The following QKI variants were observed in gnomAD, a reference collection of about 807,000 sequenced individuals.
The protein encoded by QKI is QKI, KH domain containing RNA binding, also known as KH domain-containing RNA-binding protein QKI.
Under a neutral mutation model 39.0 loss-of-function variants are expected in QKI, and 10 were observed. That is an observed-to-expected ratio of 0.26 (90% CI 0.16 to 0.43). The LOEUF (loss-of-function observed/expected upper bound fraction) is 0.43, where lower values mean the gene tolerates loss of function less well. Among genes scored for constraint, QKI ranks in the 20% least tolerant of loss-of-function variants. The pLI, the probability that QKI is intolerant of heterozygous loss-of-function variation, is 1.00. For missense variants in QKI, 218 were observed against 428.0 expected (o/e 0.51, Z 4.33); for synonymous variants, 204 against 155.4 (o/e 1.31, Z -2.33).
At chr6:163,463,775 A>C (rs974001158) in intron 2 of QKI, among the ~76,000 whole-genome samples, 2 of 152,210 alleles carry the variant, frequency 1.3e-5, no homozygotes, top group African/African-American at 4.8e-5. Context: ...CAAGAGCAGA[A>C]GACAGTATTT....
chr6:163,552,928 C>A (rs1194254728), intron 4 of QKI, among the ~76,000 whole-genome samples: 1 of 151,606 alleles, frequency 6.6e-6, no homozygotes, highest in African/African-American at 2.4e-5. Context: ...AGGTTCTGCC[C>A]ACCTCTAAGC....
At chr6:163,570,146 C>A in intron 7 of QKI, 1 of 985,804 alleles carries the variant, frequency 1.0e-6, no homozygotes, top group African/African-American at 1.7e-5. Context: ...ACAAAAGAAA[C>A]CTTGTTTGGC....
At chr6:163,520,126 A>G (rs576024645) in intron 3 of QKI, among the ~76,000 whole-genome samples, 3 of 152,156 alleles carry the variant, frequency 2.0e-5, no homozygotes, top group African/African-American at 4.8e-5. Flanking sequence ...AAGAATTTCA[A>G]TTTAGCACCA....
At chr6:163,432,224 C>T (rs1217632665) in intron 1 of QKI, among the ~76,000 whole-genome samples, 1 of 152,130 alleles carries the variant, frequency 6.6e-6, no homozygotes, top group Admixed American at 6.5e-5. Context: ...ATCTAATGCA[C>T]AGTCATATTA....
At chr6:163,483,112 G>A (rs1033695452) in intron 3 of QKI, among the ~76,000 whole-genome samples, 5 of 152,254 alleles carry the variant, frequency 3.3e-5, no homozygotes, top group Admixed American at 1.3e-4. Context: ...GCATATAAAA[G>A]TTATGTTTAT....
At chr6:163,441,877 A>C (rs1789784646) in intron 1 of QKI, among the ~76,000 whole-genome samples, 1 of 152,188 alleles carries the variant, frequency 6.6e-6, no homozygotes, top group East Asian at 1.9e-4. Context: ...AGGGCAAAAA[A>C]GGTGAGGGCA....
At position 163,573,314 on chromosome 6, in the gene QKI, A is replaced by AT. The variant is rs1457601314; in HGVS notation, c.*2610dup. On this transcript the variant is annotated 3_prime_UTR_variant, in exon 8 of 8. Coordinates refer to ENST00000361752, the MANE Select transcript of QKI (RefSeq NM_006775.3). ...ACTTTTTTTCTGACAGTATTATGTA[A>AT]TTTTTTAGCGTGGGTAGATGGGAGT... 3.3e-5 allele frequency: 5 copies of AT among 152,080 alleles called. No homozygotes were observed. Among genetic ancestry groups the AT allele is most frequent in the African/African-American group, 9.7e-5 (4 of 41,412 alleles). The allele number at this position is 152,080 out of a possible 1,614,324, so 9.4% of individuals were successfully genotyped here.
chr6:163,444,237 CAA>C (rs1363200281), intron 1 of QKI, among the ~76,000 whole-genome samples: 2 of 152,068 alleles, frequency 1.3e-5, no homozygotes, highest in Admixed American at 6.6e-5. Context: ...TGTAAGAAGA[CAA>C]AGAGATGCAT....
At chr6:163,567,676 T>G in intron 7 of QKI, 3 of 985,224 alleles carry the variant, frequency 3.0e-6, no homozygotes, top group Non-Finnish European at 3.6e-6. Context: ...GACATTGAAT[T>G]GTTTTCTAAG....
At position 163,520,427 on chromosome 6, in the gene QKI, T is replaced by A. The variant is rs538904406; in HGVS notation, c.403-14555T>A. 7.2e-5 allele frequency among the ~76,000 whole-genome samples: 11 copies of A among 152,282 alleles called. No individual in the cohort carries two copies. In the East Asian group the frequency reaches 1.2e-3, roughly 16 times the overall value. ...CTAGCAAGAAGTTCAGGATTTTTTT[T>A]AAAATAGTGTTTGGGGAAATTATAA... On this transcript the variant is annotated intron_variant, in intron 3 of 7. Coordinates refer to ENST00000361752, the MANE Select transcript of QKI (RefSeq NM_006775.3).
At chr6:163,569,921 T>C in intron 7 of QKI, 1 of 987,070 alleles carries the variant, frequency 1.0e-6, no homozygotes, top group Middle Eastern at 5.2e-4. Context: ...TTACAGTGTT[T>C]ACATGCAAGT....
At chr6:163,422,866 A>G (rs1038647238) in intron 1 of QKI, among the ~76,000 whole-genome samples, 1 of 152,246 alleles carries the variant, frequency 6.6e-6, no homozygotes, top group African/African-American at 2.4e-5. Context: ...CCTGGTCAGT[A>G]GCAAATCATT....
intron 6 of QKI, chr6:163,565,537 T>A: frequency 1.0e-6 from 1 of 990,346 alleles, no homozygotes; most frequent in Non-Finnish European, 1.2e-6. Context: ...TTCATGTCTT[T>A]TGTTTGTTGG....
intron 4 of QKI, among the ~76,000 whole-genome samples, chr6:163,536,623 C>T (rs1463097338): frequency 1.3e-5 from 2 of 152,132 alleles, no homozygotes; most frequent in Non-Finnish European, 2.9e-5. Flanking sequence ...CCTGTAATCT[C>T]TTGTCTTGCT....
At chr6:163,495,466 A>G (rs766804949) in intron 3 of QKI, among the ~76,000 whole-genome samples, 5 of 152,160 alleles carry the variant, frequency 3.3e-5, no homozygotes, top group Non-Finnish European at 7.3e-5. Context: ...ATTTGAGAGC[A>G]ACTTGCAGAC....
At chr6:163,448,186 T>A (rs1396299952) in intron 1 of QKI, among the ~76,000 whole-genome samples, 1 of 152,178 alleles carries the variant, frequency 6.6e-6, no homozygotes, top group Non-Finnish European at 1.5e-5. Flanking sequence ...TATCGCCAGT[T>A]GTGGACAATT....
chr6:163,562,775 G>T (rs1385058880), intron 5 of QKI, among the ~76,000 whole-genome samples: 2 of 152,168 alleles, frequency 1.3e-5, no homozygotes, highest in East Asian at 3.8e-4. Flanking sequence ...GTTCTAGCCA[G>T]ATTTAGAAGA....
At position 163,570,767 on chromosome 6, in the gene QKI, C is replaced by T; in HGVS notation, c.*57C>T. ...CCAATGATGACCTGACCATGCCTGC[C>T]TGCTGATCAGTTAACTGGTAATCGC... On this transcript the variant is annotated 3_prime_UTR_variant, in exon 8 of 8. Coordinates refer to ENST00000361752, the MANE Select transcript of QKI (RefSeq NM_006775.3). 1 of 1,601,926 alleles carries T rather than the reference C, an allele frequency of 6.2e-7. No homozygotes were observed. The highest frequency in any genetic ancestry group is 1.3e-5 in the African/African-American group (1 of 74,442).
At chr6:163,452,067 T>C (rs1195015600) in intron 1 of QKI, among the ~76,000 whole-genome samples, 1 of 152,214 alleles carries the variant, frequency 6.6e-6, no homozygotes, top group Non-Finnish European at 1.5e-5. Context: ...GTGGATTTAG[T>C]TCATTCATTG....
Sources: allele counts gnomAD v4.1 joint callset (sites outside exome capture counted in the v4.1 genomes callset), GRCh38; gene constraint gnomAD v4.1.1; transcripts MANE v1.5; gene names NCBI Gene and HGNC (gene_info 2026-07-23, HGNC 2026-07-21).